Variants in CPSF7 observed in about 807,000 individuals in gnomAD.
CPSF7 encodes the protein cleavage and polyadenylation specificity factor subunit 7.
In CPSF7, 1 loss-of-function variant was observed where a neutral mutation model predicts 44.3. The ratio of observed to expected loss-of-function variants is 0.02; its 90% confidence interval spans 0.01 to 0.11. CPSF7 has a LOEUF of 0.11. Among genes scored for constraint, CPSF7 ranks in the 10% least tolerant of loss-of-function variants. The pLI, the probability that CPSF7 is intolerant of heterozygous loss-of-function variation, is 1.00. For synonymous variants in CPSF7, 202 were observed against 222.0 expected (o/e 0.91, Z 0.80); for missense variants, 443 against 607.2 (o/e 0.73, Z 2.84).
rs146995296 is a variant in CPSF7 at position 61,414,313 on chromosome 11, T to C, written c.1057+1353A>G. On this transcript the variant is annotated intron_variant, in intron 7 of 9. Transcript: ENST00000439958. ...CTGGGTCTATAGGCATGTGCCACCA[T>C]GCCTGGCTTATTTTTGTATTATTAG... Among the ~76,000 whole-genome samples, 550 of 152,210 alleles carry C rather than the reference T, an allele frequency of 3.6e-3. 6 individuals are homozygous for C. Among genetic ancestry groups the C allele is most frequent in the African/African-American group, 0.013 (527 of 41,560 alleles).
chr11:61,429,433 G>A (rs1861726562), intron 1 of CPSF7, 143 bp from the exon 2 acceptor site: 2 of 463,802 alleles, frequency 4.3e-6, no homozygotes, highest in Non-Finnish European at 7.5e-6. Context: ...CCCCGCCCCC[G>A]GCCTCGCGCC....
intron 9 of CPSF7, among the ~76,000 whole-genome samples, chr11:61,407,754 C>T (rs1451801063): frequency 6.6e-6 from 1 of 152,172 alleles, no homozygotes; most frequent in Non-Finnish European, 1.5e-5. Context: ...AAAAACAATT[C>T]CTGGCTATAA....
chr11:61,411,761 C>T lies in CPSF7; in HGVS notation c.1226+8G>A. 1 of 1,607,614 alleles carries T rather than the reference C, an allele frequency of 6.2e-7. No individual in the cohort carries two copies. Among genetic ancestry groups the T allele is most frequent in the Non-Finnish European group, 8.5e-7 (1 of 1,175,834 alleles). ...GGCTGGTAGGTGAGGACACAATCAC[C>T]AACTCACCTGGAAGAGCTCCCACTG... On this transcript the variant is annotated splice_region_variant and intron_variant, in intron 8 of 9. Transcript: ENST00000439958.
chr11:61,421,719 C>T, intron 2 of CPSF7, 111 bp from the exon 3 acceptor site: 1 of 736,760 alleles, frequency 1.4e-6, no homozygotes, highest in Non-Finnish European at 2.3e-6. Context: ...ATGTACAAAA[C>T]TTCCTTGTCC....
chr11:61,421,028 C>T, intron 3 of CPSF7: 1 of 1,242,404 alleles, frequency 8.0e-7, no homozygotes. Context: ...CTAGAGTTAT[C>T]AAGGTCTTTA....
intron 3 of CPSF7, chr11:61,421,077 A>C: frequency 7.4e-7 from 1 of 1,359,946 alleles, no homozygotes; most frequent in Non-Finnish European, 9.7e-7. Context: ...CCATCTAATG[A>C]CCACCAAGAG....
intron 3 of CPSF7, chr11:61,421,076 G>A (rs1324584073): frequency 1.0e-5 from 14 of 1,357,664 alleles, no homozygotes; most frequent in Non-Finnish European, 7.7e-6. Flanking sequence ...ACCATCTAAT[G>A]ACCACCAAGA....
At chr11:61,412,326 T>C (rs1179265625) in intron 7 of CPSF7, among the ~76,000 whole-genome samples, 1 of 151,938 alleles carries the variant, frequency 6.6e-6, no homozygotes, top group Non-Finnish European at 1.5e-5. Flanking sequence ...TCTCACTCTG[T>C]TGCCCAGGCT....
intron 2 of CPSF7, among the ~76,000 whole-genome samples, chr11:61,421,902 A>G (rs533875916): frequency 6.6e-6 from 1 of 152,376 alleles, no homozygotes; most frequent in South Asian, 2.1e-4. Context: ...GAAAGAATGC[A>G]TAATGAGATG....
chr11:61,421,700 T>C, intron 2 of CPSF7, 92 bp from the exon 3 acceptor site: 1 of 899,840 alleles, frequency 1.1e-6, no homozygotes, highest in Non-Finnish European at 1.7e-6. Flanking sequence ...GTTAAATACT[T>C]GGTAAAACAT....
chr11:61,429,437 T>C (rs1459688576), intron 1 of CPSF7, 147 bp from the exon 2 acceptor site: 3 of 508,918 alleles, frequency 5.9e-6, no homozygotes, highest in East Asian at 7.5e-5. Context: ...GCCCCCGGCC[T>C]CGCGCCGCCC....
rs918974455 is a variant in CPSF7, at chr11:61,402,969, A to C, written c.*1741T>G. On this transcript the variant is annotated 3_prime_UTR_variant, in exon 10 of 10. Coordinates refer to ENST00000439958, the MANE Select transcript of CPSF7 (RefSeq NM_001142565.3). ...TATATATATTTTTCCTTAAACTGTCACCTTTTCTCTACATTTTAAAAGACA... is the reference window on the plus strand; with the variant it reads ...TATATATATTTTTCCTTAAACTGTCCCCTTTTCTCTACATTTTAAAAGACA... 1.3e-5 allele frequency: 2 copies of C among 151,886 alleles called. No homozygotes were observed. The highest frequency in any genetic ancestry group is 2.4e-5 in the African/African-American group (1 of 41,244). The allele number at this position is 151,886 out of a possible 1,614,324, so 9.4% of individuals were successfully genotyped here. A position where few individuals can be genotyped will look rare whatever the true frequency, so the allele number is the denominator to read the frequency against.
At chr11:61,410,844 C>T in intron 9 of CPSF7, 94 bp downstream of exon 9, 2 of 1,304,466 alleles carry the variant, frequency 1.5e-6, no homozygotes, top group Non-Finnish European at 2.1e-6. Flanking sequence ...ACCCTTGCTG[C>T]ATTTACTTTT....
At chr11:61,418,237 AC>A (rs936874430) in intron 5 of CPSF7, among the ~76,000 whole-genome samples, 35 of 152,212 alleles carry the variant, frequency 2.3e-4, no homozygotes, top group African/African-American at 8.2e-4. Context: ...AATACAAGGC[AC>A]TATTTTGAGA....
chr11:61,421,171 G>A (rs1169806212), intron 3 of CPSF7: 2 of 1,328,746 alleles, frequency 1.5e-6, no homozygotes, highest in Admixed American at 4.1e-5. Context: ...TAACAAGATG[G>A]CAGAAAAAGC....
chr11:61,410,712 A>C (rs186474200), intron 9 of CPSF7: 1 of 393,212 alleles, frequency 2.5e-6, no homozygotes, highest in African/African-American at 2.1e-5. Flanking sequence ...ACTCTCACTC[A>C]GATACCAGGT....
chr11:61,420,110 T>C lies in CPSF7; in HGVS notation c.378-16A>G. The C allele has an allele frequency of 6.3e-7, 1 of 1,579,596 alleles. No homozygotes were observed. Among genetic ancestry groups the C allele is most frequent in the Non-Finnish European group, 8.6e-7 (1 of 1,161,856 alleles). Reference sequence around the variant, plus strand: ...CTCAGCATACCTTAGGAAAGAAAAATTAAAAATGAATGAAATCTGTAGACA... The same window carrying C: ...CTCAGCATACCTTAGGAAAGAAAAACTAAAAATGAATGAAATCTGTAGACA... On this transcript the variant is annotated splice_polypyrimidine_tract_variant and intron_variant, in intron 4 of 9. Transcript: ENST00000439958.
rs1859070622 is a variant in CPSF7 at position 61,403,653 on chromosome 11, A to C, written c.*1057T>G. On this transcript the variant is annotated 3_prime_UTR_variant, in exon 10 of 10. Transcript: ENST00000439958. ...AGTGCCAGGTTATCCCACAATAAGT[A>C]AAAGTATGTACCTGGGGGATGTAAG... is the stretch of plus-strand genomic sequence containing the variant. 1 of 152,218 alleles carries C rather than the reference A, an allele frequency of 6.6e-6. No homozygotes were observed. The highest frequency in any genetic ancestry group is 1.5e-5 in the Non-Finnish European group (1 of 68,046). 9.4% of individuals were successfully genotyped at this position (152,218 alleles called of 1,614,324 possible).
chr11:61,414,443 T>C (rs1456617770), intron 7 of CPSF7, among the ~76,000 whole-genome samples: 2 of 152,150 alleles, frequency 1.3e-5, no homozygotes, highest in African/African-American at 4.8e-5. Context: ...CCACTGCACC[T>C]GGCCTAAAAA....
Sources: allele counts gnomAD v4.1 joint callset (sites outside exome capture counted in the v4.1 genomes callset), GRCh38; gene constraint gnomAD v4.1.1; transcripts MANE v1.5; gene names NCBI Gene and HGNC (gene_info 2026-07-23, HGNC 2026-07-21).